The following CSMD2 variants were observed in gnomAD, a reference collection of about 807,000 sequenced individuals.
The protein encoded by CSMD2 is CUB and sushi domain-containing protein 2.
A neutral mutation model predicts 398.5 loss-of-function variants in CSMD2; 130 were observed. The ratio of observed to expected loss-of-function variants is 0.33; its 90% CI spans 0.28 to 0.38. CSMD2 has a LOEUF of 0.38. Among genes scored for constraint, CSMD2 ranks in the 10% least tolerant of loss-of-function variants. The pLI is 1.00. For synonymous variants in CSMD2, 1,828 were observed against 1,908.5 expected (o/e 0.96, Z 1.10); for missense variants, 3,829 against 4,764.9 (o/e 0.80, Z 5.78).
rs568068096 is a variant in CSMD2 at position 33,642,778 on chromosome 1, G to A, written c.4774+3870C>T. 1.4e-4 allele frequency among the ~76,000 whole-genome samples: 22 copies of A among 152,264 alleles called. No individual in the cohort carries two copies. In the South Asian group the frequency reaches 4.1e-3, roughly 29 times the overall value. On this transcript the variant is annotated intron_variant, in intron 29 of 70. Transcript: ENST00000373381. ...TTTTGAGTGGGTTTCTGTTTCTTGTGTTTTTATAATAAGTTACCCCTTTGT... is the reference window on the plus strand; with the variant it reads ...TTTTGAGTGGGTTTCTGTTTCTTGTATTTTTATAATAAGTTACCCCTTTGT...
intron 5 of CSMD2, among the ~76,000 whole-genome samples, chr1:33,871,851 C>T (rs1393940704): frequency 6.6e-6 from 1 of 152,170 alleles, no homozygotes; most frequent in Non-Finnish European, 1.5e-5. Context: ...TCCTGATCCA[C>T]CTGCCTCAGC....
At chr1:33,684,604 C>T (rs950848944) in intron 25 of CSMD2, among the ~76,000 whole-genome samples, 1 of 152,236 alleles carries the variant, frequency 6.6e-6, no homozygotes, top group African/African-American at 2.4e-5. Context: ...GCCAATTTAT[C>T]CTCTGCACTG....
At chr1:33,789,582 A>G (rs1045404953) in intron 11 of CSMD2, among the ~76,000 whole-genome samples, 4 of 152,266 alleles carry the variant, frequency 2.6e-5, no homozygotes, top group Non-Finnish European at 5.9e-5. Flanking sequence ...TTACCAGCAC[A>G]GATGGAGGCA....
intron 3 of CSMD2, among the ~76,000 whole-genome samples, chr1:33,980,939 A>G (rs1175009702): frequency 1.3e-5 from 2 of 152,192 alleles, no homozygotes; most frequent in African/African-American, 2.4e-5. Flanking sequence ...GGAGGATACA[A>G]GCCTATCTGA....
At position 34,164,609 on chromosome 1, in the gene CSMD2, C is replaced by A. The variant is rs1449818411; in HGVS notation, c.187+302G>T. 6.6e-6 allele frequency among the ~76,000 whole-genome samples: 1 copy of A among 152,078 alleles called. No individual in the cohort carries two copies. On this transcript the variant is annotated intron_variant, in intron 1 of 70. Transcript: ENST00000373381. The surrounding 1 kb of genome is among the most constrained non-coding windows in gnomAD (Gnocchi z 6.2). ...GGCTGGAGAAACTGAAGCCACAGAC[C>A]AGGTGCCCCGCAACCCCGGGCGGGG...
chr1:33,725,396 G>A lies in CSMD2; in HGVS notation c.2648C>T (p.Ser883Phe). 1 of 1,614,160 alleles carries A rather than the reference G, an allele frequency of 6.2e-7. No individual in the cohort carries two copies. The highest frequency in any genetic ancestry group is 8.5e-7 in the Non-Finnish European group (1 of 1,180,022). The change falls in exon 17 of 71, where the codon TCT becomes TTT. Residue 883 changes from serine to phenylalanine, a missense_variant. Coordinates refer to ENST00000373381, the MANE Select transcript of CSMD2 (RefSeq NM_001281956.2). ...GATGTCCGAGTGACTCTTGTCGGTA[G>A]AGAAGAGGAGGTAGAGGTAGTTGCT... is the stretch of plus-strand genomic sequence containing the variant. ...STSNYLYLLF[S>F]TDKSHSDIGF...
At chr1:33,892,960 C>G (rs1160314578) in intron 5 of CSMD2, among the ~76,000 whole-genome samples, 1 of 152,198 alleles carries the variant, frequency 6.6e-6, no homozygotes, top group Non-Finnish European at 1.5e-5. Context: ...CAGACAGGCT[C>G]AAGAGCAAAC....
chr1:33,995,785 T>C (rs1430146044), intron 3 of CSMD2, among the ~76,000 whole-genome samples: 2 of 152,190 alleles, frequency 1.3e-5, no homozygotes, highest in Admixed American at 6.5e-5. Flanking sequence ...AGCAACACTT[T>C]TAAAATTCCA....
intron 25 of CSMD2, among the ~76,000 whole-genome samples, chr1:33,690,891 G>A (rs1158569105): frequency 6.6e-6 from 1 of 152,194 alleles, no homozygotes; most frequent in African/African-American, 2.4e-5. Flanking sequence ...ATAAATAAAG[G>A]AGAAAAGTGG....
intron 5 of CSMD2, among the ~76,000 whole-genome samples, chr1:33,865,356 A>C (rs1639946023): frequency 7.0e-6 from 1 of 143,778 alleles, no homozygotes; most frequent in Non-Finnish European, 1.5e-5. Context: ...GTGAACTCCC[A>C]GGGGTGTTCC....
intron 3 of CSMD2, among the ~76,000 whole-genome samples, chr1:33,971,315 T>A (rs1278493919): frequency 6.6e-6 from 1 of 152,204 alleles, no homozygotes; most frequent in Non-Finnish European, 1.5e-5. Context: ...CTCATGTGCA[T>A]GGGTGAGCCA....
intron 1 of CSMD2, among the ~76,000 whole-genome samples, chr1:34,131,056 G>A (rs1176013614): frequency 6.6e-6 from 1 of 151,990 alleles, no homozygotes; most frequent in Non-Finnish European, 1.5e-5. Flanking sequence ...CTAGCATTCC[G>A]TACCCTTCCC....
In CSMD2 at chr1:33,546,515, G is replaced by C. The variant is rs891522292; in HGVS notation, c.8918-296C>G. ...TTTCAGTGATCCAAACTGGCCACAG[G>C]TCCTCCTTCTCCCCTTCCCCTCTTC... On this transcript the variant is annotated intron_variant, in intron 56 of 70. Coordinates refer to ENST00000373381, the MANE Select transcript of CSMD2 (RefSeq NM_001281956.2). Among the ~76,000 whole-genome samples, 67 of 152,248 alleles carry C rather than the reference G, an allele frequency of 4.4e-4. 1 individual carries two copies. The highest frequency in any genetic ancestry group is 1.4e-3 in the African/African-American group (57 of 41,540).
At chr1:33,695,022 G>A (rs1645372905) in intron 24 of CSMD2, among the ~76,000 whole-genome samples, 1 of 152,192 alleles carries the variant, frequency 6.6e-6, no homozygotes, top group Non-Finnish European at 1.5e-5. Flanking sequence ...CAATCTCCCT[G>A]AGCAAAGGAC....
intron 5 of CSMD2, among the ~76,000 whole-genome samples, chr1:33,906,695 G>A (rs1643111236): frequency 6.6e-6 from 1 of 152,196 alleles, no homozygotes; most frequent in Non-Finnish European, 1.5e-5. Context: ...TTAAGTTGGA[G>A]ATATTGGTGG....
chr1:33,991,187 T>C (rs1257577514), intron 3 of CSMD2, among the ~76,000 whole-genome samples: 1 of 152,074 alleles, frequency 6.6e-6, no homozygotes, highest in Non-Finnish European at 1.5e-5. Context: ...TTTCATTTTT[T>C]GTAGAGACAG....
chr1:33,700,497 C>A lies in CSMD2; in HGVS notation c.3733+20G>T, dbSNP rs747122842. Reference sequence around the variant, plus strand: ...GGAAACCCTGACTTCCTTGTCCACACAGATGCAAGAAAGACTTACTGGAAA... The same window carrying A: ...GGAAACCCTGACTTCCTTGTCCACAAAGATGCAAGAAAGACTTACTGGAAA... On this transcript the variant is annotated intron_variant, in intron 23 of 70. Transcript: ENST00000373381. The A allele has an allele frequency of 6.2e-7, 1 of 1,613,220 alleles. No homozygotes were observed. The highest frequency in any genetic ancestry group is 8.5e-7 in the Non-Finnish European group (1 of 1,179,424).
At chr1:33,801,787 C>G (rs1393205676) in intron 10 of CSMD2, among the ~76,000 whole-genome samples, 1 of 152,198 alleles carries the variant, frequency 6.6e-6, no homozygotes, top group Non-Finnish European at 1.5e-5. Flanking sequence ...GGAAGGCACA[C>G]TGGGACCAGA....
At chr1:33,677,986 A>T (rs79936531) in intron 25 of CSMD2, among the ~76,000 whole-genome samples, 22,098 of 144,960 alleles carry the variant, frequency 0.15, 2,027 homozygotes, top group Admixed American at 0.22. Flanking sequence ...GAGGGATAGC[A>T]TTAGGAGATA....
Sources: allele counts gnomAD v4.1 joint callset (sites outside exome capture counted in the v4.1 genomes callset), GRCh38; gene constraint gnomAD v4.1.1; non-coding constraint Gnocchi (gnomAD v3.1); transcripts MANE v1.5; gene names NCBI Gene and HGNC (gene_info 2026-07-23, HGNC 2026-07-21).